KCNC2: variants seen among roughly 807,000 people sequenced by gnomAD.
The protein encoded by KCNC2 is potassium voltage-gated channel subfamily C member 2, also known as voltage-gated potassium channel KCNC2.
A neutral mutation model predicts 44.5 loss-of-function variants in KCNC2; 21 were observed. That is an observed-to-expected ratio of 0.47 (90% CI 0.33 to 0.68). The LOEUF (loss-of-function observed/expected upper bound fraction) is 0.68. KCNC2 is among the 30% of genes least tolerant of loss of function. The pLI, the probability that KCNC2 is intolerant of heterozygous loss-of-function variation, is 0.01. For missense variants in KCNC2, 589 were observed against 826.2 expected (o/e 0.71, Z 3.52); for synonymous variants, 391 against 339.1 (o/e 1.15, Z -1.68).
intron 2 of KCNC2, among the ~76,000 whole-genome samples, chr12:75,131,928 G>C (rs1426049660): frequency 1.3e-5 from 2 of 152,148 alleles, no homozygotes; most frequent in African/African-American, 4.8e-5. Flanking sequence ...CCACAAAACT[G>C]TGAGATAATA....
chr12:75,056,358 G>A (rs1881745878), intron 2 of KCNC2, among the ~76,000 whole-genome samples: 1 of 151,904 alleles, frequency 6.6e-6, no homozygotes, highest in African/African-American at 2.4e-5. Flanking sequence ...GTAAATGAAA[G>A]TCAGAGAGAT....
intron 4 of KCNC2, among the ~76,000 whole-genome samples, chr12:75,046,457 A>G (rs906505233): frequency 4.0e-5 from 6 of 151,792 alleles, no homozygotes; most frequent in African/African-American, 1.4e-4. Context: ...CTTTAAACAC[A>G]TAATCTTAGT....
intron 2 of KCNC2, among the ~76,000 whole-genome samples, chr12:75,052,551 A>C (rs1881291033): frequency 1.3e-5 from 2 of 152,104 alleles, no homozygotes; most frequent in South Asian, 4.1e-4. Context: ...TTCTTCCTTA[A>C]ATGTCTAAAC....
At chr12:75,159,383 CTTAAG>C (rs936716963) in intron 2 of KCNC2, among the ~76,000 whole-genome samples, 18 of 151,798 alleles carry the variant, frequency 1.2e-4, no homozygotes, top group African/African-American at 4.1e-4. Context: ...ATAAAAGTTC[CTTAAG>C]TTAAGATAAA....
chr12:75,188,762 A>C (rs1189153799), intron 2 of KCNC2, among the ~76,000 whole-genome samples: 1 of 151,968 alleles, frequency 6.6e-6, no homozygotes, highest in Non-Finnish European at 1.5e-5. Flanking sequence ...CGGGAGGCTG[A>C]GGCAGGAGAA....
intron 2 of KCNC2, among the ~76,000 whole-genome samples, chr12:75,137,051 C>A (rs779128162): frequency 3.9e-5 from 6 of 152,126 alleles, no homozygotes; most frequent in Non-Finnish European, 7.4e-5. Flanking sequence ...ACAATCAGTA[C>A]CTTTTGAAAA....
intron 2 of KCNC2, among the ~76,000 whole-genome samples, chr12:75,096,946 C>T (rs1299287766): frequency 1.3e-5 from 2 of 152,022 alleles, no homozygotes; most frequent in Non-Finnish European, 2.9e-5. Context: ...ACAAAACTTT[C>T]ATATGAATGT....
chr12:75,110,610 T>A (rs1197908112), intron 2 of KCNC2, among the ~76,000 whole-genome samples: 1 of 152,150 alleles, frequency 6.6e-6, no homozygotes, highest in Non-Finnish European at 1.5e-5. Flanking sequence ...GGCTGAGCCA[T>A]GTGCCTTGTA....
In KCNC2 at chr12:75,172,108, T is replaced by A. The variant is rs537151992; in HGVS notation, c.687+35189A>T. ...TGCTCAAATGAAGAGAATAAGCCTG[T>A]TTCAGGCTTCCATCTACATAGCTCA... On this transcript the variant is annotated intron_variant, in intron 2 of 4. Coordinates refer to ENST00000549446, the MANE Select transcript of KCNC2 (RefSeq NM_139137.4). 5.9e-5 allele frequency among the ~76,000 whole-genome samples: 9 copies of A among 151,878 alleles called. No individual in the cohort carries two copies. The South Asian group carries it at 1.9e-3, about 32-fold the overall frequency.
At chr12:75,145,211 TC>T (rs1452391665) in intron 2 of KCNC2, among the ~76,000 whole-genome samples, 5 of 149,866 alleles carry the variant, frequency 3.3e-5, no homozygotes, top group African/African-American at 1.2e-4. Context: ...TTGGATCCTC[TC>T]CAAAAAAAAA....
intron 2 of KCNC2, among the ~76,000 whole-genome samples, chr12:75,099,023 A>C (rs991118665): frequency 6.6e-6 from 1 of 152,132 alleles, no homozygotes; most frequent in African/African-American, 2.4e-5. Flanking sequence ...CAAGTGAGCA[A>C]AAATATCTTC....
chr12:75,058,662 C>T (rs1449648411), intron 2 of KCNC2, among the ~76,000 whole-genome samples: 1 of 152,054 alleles, frequency 6.6e-6, no homozygotes, highest in African/African-American at 2.4e-5. Flanking sequence ...CCACCAATGT[C>T]TGTCTACCCT....
intron 2 of KCNC2, among the ~76,000 whole-genome samples, chr12:75,074,323 A>C (rs1031207113): frequency 3.3e-5 from 5 of 150,132 alleles, no homozygotes; most frequent in Admixed American, 2.0e-4. Flanking sequence ...CCAAGGAGAA[A>C]GTCTAGAGGA....
intron 2 of KCNC2, among the ~76,000 whole-genome samples, chr12:75,201,859 A>G (rs922552547): frequency 3.3e-5 from 5 of 151,908 alleles, no homozygotes; most frequent in African/African-American, 1.2e-4. Context: ...GTTATTTTTT[A>G]GACTATTTTT....
intron 2 of KCNC2, among the ~76,000 whole-genome samples, chr12:75,132,246 A>C (rs1888907070): frequency 6.6e-6 from 1 of 152,188 alleles, no homozygotes; most frequent in Admixed American, 6.5e-5. Flanking sequence ...AATATAAAAA[A>C]ATTAGCTATT....
At chr12:75,168,030 A>T (rs1891572661) in intron 2 of KCNC2, among the ~76,000 whole-genome samples, 1 of 151,402 alleles carries the variant, frequency 6.6e-6, no homozygotes, top group Non-Finnish European at 1.5e-5. Context: ...AATGAGCTCA[A>T]TATCCAAGTA....
intron 2 of KCNC2, among the ~76,000 whole-genome samples, chr12:75,182,740 C>A (rs1892689992): frequency 6.6e-6 from 1 of 152,118 alleles, no homozygotes; most frequent in African/African-American, 2.4e-5. Context: ...GGCCGCACCC[C>A]ATAATCAAGC....
intron 4 of KCNC2, chr12:75,043,654 T>A: frequency 2.3e-6 from 3 of 1,294,260 alleles, no homozygotes; most frequent in Non-Finnish European, 3.0e-6. Flanking sequence ...TTTTCATTTT[T>A]TATTTCCTAA....
chr12:75,153,989 GA>G (rs1197291358), intron 2 of KCNC2, among the ~76,000 whole-genome samples: 3 of 151,452 alleles, frequency 2.0e-5, no homozygotes, highest in Non-Finnish European at 3.0e-5. Context: ...CGTACTTATT[GA>G]AAAAAAACTA....
Sources: gnomAD v4.1 joint callset for allele counts (sites outside exome capture counted in the v4.1 genomes callset) on GRCh38, gnomAD v4.1.1 for gene constraint, MANE v1.5 for transcripts, NCBI Gene and HGNC (gene_info 2026-07-23, HGNC 2026-07-21) for gene names.